Variants in GPSM2 observed in about 807,000 individuals in gnomAD.
GPSM2 encodes G protein signaling modulator 2.
A neutral mutation model predicts 78.4 loss-of-function variants in GPSM2; 58 were observed. That is an observed-to-expected ratio of 0.74 (90% CI 0.60 to 0.92). GPSM2 has a LOEUF of 0.92. Ranked by LOEUF, GPSM2 falls within the 40% of genes least tolerant of loss-of-function variation. The pLI, the probability that GPSM2 is intolerant of heterozygous loss-of-function variation, is 0.00. For synonymous variants in GPSM2, 224 were observed against 280.2 expected, an observed-to-expected ratio of 0.80 and a Z score of 2.00; for missense variants, 700 against 815.5, an observed-to-expected ratio of 0.86 and a Z score of 1.73.
At position 108,898,016 on chromosome 1, in the gene GPSM2, A is replaced by G. The variant is rs1479656411; in HGVS notation, c.472A>G (p.Ser158Gly). ...GAATGTGTATCATGCCAAAGGGAAA[A>G]GTTTTGGTTGCCCTGGTCCCCAGGA... ...LGNVYHAKGK[S>G]FGCPGPQDVG... Residue 158 changes from serine (S) to glycine (G), a missense_variant, in exon 5 of 15, where the codon AGT (serine) becomes GGT (glycine). Physicochemically the swap from Ser to Gly is moderately conservative, Grantham distance 56. Transcript: ENST00000264126. 1 of 1,613,886 alleles carries G rather than the reference A, an allele frequency of 6.2e-7. No homozygotes were observed. The highest frequency in any genetic ancestry group is 1.7e-5 in the Admixed American group (1 of 60,014).
At position 108,929,953 on chromosome 1, in the gene GPSM2, TA is replaced by T; in HGVS notation, c.*14del. On this transcript the variant is annotated 3_prime_UTR_variant, in exon 15 of 15. Coordinates refer to ENST00000264126, the MANE Select transcript of GPSM2 (RefSeq NM_013296.5). ...GGCAGACCATTAGTTACTATGGATT[TA>T]TTTTTTTTCCTTTCAAACACGGTAA... The T allele has an allele frequency of 4.3e-6, 7 of 1,610,034 alleles. No homozygotes were observed. Among genetic ancestry groups the T allele is most frequent in the Non-Finnish European group, 5.9e-6 (7 of 1,176,876 alleles).
At chr1:108,903,034 C>A in intron 8 of GPSM2, 92 bp from the exon 9 acceptor site, 1 of 760,298 alleles carries the variant, frequency 1.3e-6, no homozygotes, top group South Asian at 1.5e-5. Flanking sequence ...CCAAAGCATT[C>A]TTTATCCCTT....
At chr1:108,915,431 T>C (rs2101509250) in intron 11 of GPSM2, among the ~76,000 whole-genome samples, 1 of 151,336 alleles carries the variant, frequency 6.6e-6, no homozygotes, top group South Asian at 2.1e-4. Context: ...CTTTTTTTTC[T>C]TTTTTGTTTT....
chr1:108,900,878 G>A (rs1020223598), intron 7 of GPSM2, among the ~76,000 whole-genome samples: 6 of 152,064 alleles, frequency 3.9e-5, no homozygotes, highest in Non-Finnish European at 7.4e-5. Context: ...TCACGTTACC[G>A]CATAGTAATT....
At chr1:108,896,263 C>G (rs1447272929) in intron 2 of GPSM2, among the ~76,000 whole-genome samples, 1 of 152,092 alleles carries the variant, frequency 6.6e-6, no homozygotes, top group Non-Finnish European at 1.5e-5. Context: ...ACCTAGTTCT[C>G]TTGTGAAAAT....
In GPSM2 at chr1:108,877,184, C is replaced by A. The variant is rs1665666049; in HGVS notation, c.-293C>A. Reference sequence around the variant, plus strand: ...CCCGTCTGTCGCCCGAGGCGGCCGCCGCTGCACCTTCACCGCGTACCCGGG... The same window carrying A: ...CCCGTCTGTCGCCCGAGGCGGCCGCAGCTGCACCTTCACCGCGTACCCGGG... On this transcript the variant is annotated 5_prime_UTR_variant, in exon 1 of 15. Coordinates refer to ENST00000264126, the MANE Select transcript of GPSM2 (RefSeq NM_013296.5). The A allele has an allele frequency of 1.3e-5, 2 of 152,178 alleles. No homozygotes were observed. The highest frequency in any genetic ancestry group is 4.1e-4 in the South Asian group (2 of 4,826). 9.4% of individuals were successfully genotyped at this position (152,178 alleles called of 1,614,324 possible).
intron 11 of GPSM2, among the ~76,000 whole-genome samples, chr1:108,917,575 TA>T (rs980017691): frequency 1.8e-5 from 2 of 112,094 alleles, no homozygotes; most frequent in African/African-American, 6.4e-5. Flanking sequence ...CAAAAAAATT[TA>T]AAAAAAGCAA....
At chr1:108,926,537 T>G (rs1306802441) in intron 14 of GPSM2, 1 of 152,186 alleles carries the variant, frequency 6.6e-6, no homozygotes, top group Non-Finnish European at 1.5e-5. Flanking sequence ...TGTAAAGGAT[T>G]TTACACCATG....
rs116882424 is a variant in GPSM2, at chr1:108,877,978, A to T, written c.-249+750A>T. Among the ~76,000 whole-genome samples, 313 of 152,296 alleles carry T rather than the reference A, an allele frequency of 2.1e-3. 6 individuals carry two copies. In the East Asian group the frequency reaches 0.048, roughly 23 times the overall value. ...ATAATTTAACCACACCGTAGAATTAAACGAAGTAGGTTCTTGGCTTTCCTT... is the reference window on the plus strand; with the variant it reads ...ATAATTTAACCACACCGTAGAATTATACGAAGTAGGTTCTTGGCTTTCCTT... On this transcript the variant is annotated intron_variant, in intron 1 of 14. Transcript: ENST00000264126.
chr1:108,921,051 C>T (rs960914636), intron 12 of GPSM2, among the ~76,000 whole-genome samples: 5 of 152,160 alleles, frequency 3.3e-5, no homozygotes, highest in African/African-American at 1.2e-4. Context: ...TTTACTCTGT[C>T]CCTAAGCCAG....
intron 10 of GPSM2, among the ~76,000 whole-genome samples, chr1:108,911,995 A>G (rs1383903034): frequency 6.6e-6 from 1 of 151,844 alleles, no homozygotes; most frequent in Non-Finnish European, 1.5e-5. Context: ...TTTTGCAGAT[A>G]TGGGGTTTTG....
chr1:108,903,254 G>C lies in GPSM2; in HGVS notation c.1062+20G>C, dbSNP rs1648947524. ...AGAGAGGTATGAAACTAAAAAAAAT[G>C]CTGTCTGTGCTATTGTAATTTACAA... On this transcript the variant is annotated intron_variant, in intron 9 of 14. Transcript: ENST00000264126. 7.8e-7 allele frequency: 1 copy of C among 1,274,014 alleles called. No homozygotes were observed. The highest frequency in any genetic ancestry group is 1.1e-6 in the Non-Finnish European group (1 of 870,722). The allele number at this position is 1,274,014 out of a possible 1,614,324, so 78.9% of individuals were successfully genotyped here. A position where few individuals can be genotyped will look rare whatever the true frequency, so the allele number is the denominator to read the frequency against.
chr1:108,918,033 C>T (rs371867194), intron 11 of GPSM2, among the ~76,000 whole-genome samples: 1 of 152,178 alleles, frequency 6.6e-6, no homozygotes, highest in East Asian at 1.9e-4. Flanking sequence ...CTGCAAATGT[C>T]AGAGCTATTG....
chr1:108,891,839 G>C (rs1172024202), intron 2 of GPSM2, among the ~76,000 whole-genome samples: 1 of 151,748 alleles, frequency 6.6e-6, no homozygotes, highest in African/African-American at 2.4e-5. Flanking sequence ...GTTTGATAAA[G>C]GTTAAAATCA....
intron 1 of GPSM2, among the ~76,000 whole-genome samples, chr1:108,884,527 T>C (rs1647381958): frequency 6.6e-6 from 1 of 152,158 alleles, no homozygotes; most frequent in East Asian, 1.9e-4. Context: ...AACTAAATGG[T>C]ATCTTATTTA....
intron 14 of GPSM2, among the ~76,000 whole-genome samples, chr1:108,927,349 TGA>T (rs1158795650): frequency 1.4e-4 from 22 of 152,174 alleles, no homozygotes; most frequent in Non-Finnish European, 3.2e-4. Flanking sequence ...GAAATAGTCT[TGA>T]GAATAAAGCT....
chr1:108,931,379 T>C lies in GPSM2; in HGVS notation c.*1439T>C, dbSNP rs912713277. On this transcript the variant is annotated 3_prime_UTR_variant, in exon 15 of 15. Transcript: ENST00000264126. ...AACTAACTGTAGCAAAAGACAAGTA[T>C]GGGACAGACTGGGACCTGGAGTAAC... 1.3e-6 allele frequency: 2 copies of C among 1,551,012 alleles called. No individual in the cohort carries two copies. The highest frequency in any genetic ancestry group is 2.7e-5 in the African/African-American group (2 of 73,006).
chr1:108,879,447 T>G (rs765376229), intron 1 of GPSM2, among the ~76,000 whole-genome samples: 7 of 152,224 alleles, frequency 4.6e-5, no homozygotes, highest in Non-Finnish European at 1.0e-4. Context: ...CATTCCTGCC[T>G]TATATGTTGC....
At chr1:108,903,596 A>G (rs894900483) in intron 9 of GPSM2, among the ~76,000 whole-genome samples, 8 of 152,174 alleles carry the variant, frequency 5.3e-5, no homozygotes, top group Admixed American at 2.6e-4. Flanking sequence ...CTTACTGGCT[A>G]TTTGAGCTTG....
Sources: allele counts gnomAD v4.1 joint callset (sites outside exome capture counted in the v4.1 genomes callset), GRCh38; gene constraint gnomAD v4.1.1; transcripts MANE v1.5; gene names NCBI Gene and HGNC (gene_info 2026-07-23, HGNC 2026-07-21).